SEMA5A: variants seen among roughly 807,000 people sequenced by gnomAD.
SEMA5A encodes semaphorin 5A.
SEMA5A carries 55 observed loss-of-function variants against 135.5 expected under a neutral mutation model. That is an observed-to-expected ratio of 0.41 (90% confidence interval 0.33 to 0.51). SEMA5A has a LOEUF of 0.51. SEMA5A is among the 20% of genes least tolerant of loss of function. The pLI, the probability that SEMA5A is intolerant of heterozygous loss-of-function variation, is 0.37. For missense variants in SEMA5A, 1,290 were observed against 1,419.9 expected (o/e 0.91, Z 1.47); for synonymous variants, 580 against 546.5 (o/e 1.06, Z -0.85).
intron 4 of SEMA5A, among the ~76,000 whole-genome samples, chr5:9,333,894 ATAT>A (rs1167012462): frequency 1.3e-5 from 2 of 152,112 alleles, no homozygotes; most frequent in Non-Finnish European, 2.9e-5. Flanking sequence ...GAAAACACAA[ATAT>A]TATTAACTTT....
At chr5:9,354,828 A>G (rs1754372024) in intron 3 of SEMA5A, among the ~76,000 whole-genome samples, 1 of 152,170 alleles carries the variant, frequency 6.6e-6, no homozygotes, top group Non-Finnish European at 1.5e-5. Context: ...GACTGGAATG[A>G]CAAGAAAAAG....
chr5:9,136,731 T>C (rs938750287), intron 12 of SEMA5A, 110 bp from the exon 13 acceptor site: 9 of 814,806 alleles, frequency 1.1e-5, no homozygotes, highest in Non-Finnish European at 1.5e-5. Context: ...TTCTTACATA[T>C]GAAGCCCAAT....
At chr5:9,221,752 C>A (rs1015345013) in intron 8 of SEMA5A, among the ~76,000 whole-genome samples, 1 of 152,114 alleles carries the variant, frequency 6.6e-6, no homozygotes, top group South Asian at 2.1e-4. Context: ...CTACAGACCC[C>A]GAGTGACAAG....
chr5:9,270,253 ACT>A (rs112096339), intron 5 of SEMA5A, among the ~76,000 whole-genome samples: 29 of 151,884 alleles, frequency 1.9e-4, no homozygotes, highest in African/African-American at 7.0e-4. Flanking sequence ...CTGGAAGAAG[ACT>A]CTTGGAAGAT....
In SEMA5A at chr5:9,161,419, G is replaced by A. The variant is rs1743248783; in HGVS notation, c.1274-6724C>T. Among the ~76,000 whole-genome samples, 3 of 149,232 alleles carry A rather than the reference G, an allele frequency of 2.0e-5. No homozygotes were observed. In the South Asian group the frequency reaches 6.3e-4, roughly 32 times the overall value. On this transcript the variant is annotated intron_variant, in intron 11 of 22. Transcript: ENST00000382496. ...TTTTTCTAGATGCCACATTTAAAAT[G>A]GAAAAAAGGAAACAGGTGAATAAAT...
intron 1 of SEMA5A, among the ~76,000 whole-genome samples, chr5:9,513,361 C>T (rs1184466190): frequency 6.6e-6 from 1 of 152,068 alleles, no homozygotes; most frequent in African/African-American, 2.4e-5. Context: ...CCTCTAGATT[C>T]CATCAAATTT....
intron 16 of SEMA5A, among the ~76,000 whole-genome samples, chr5:9,102,936 A>G (rs1739708351): frequency 6.6e-6 from 1 of 152,242 alleles, no homozygotes; most frequent in African/African-American, 2.4e-5. Context: ...ATCACTGGCC[A>G]GAGGCAAACA....
At chr5:9,138,654 T>C (rs920839859) in intron 12 of SEMA5A, among the ~76,000 whole-genome samples, 1 of 152,202 alleles carries the variant, frequency 6.6e-6, no homozygotes, top group Non-Finnish European at 1.5e-5. Context: ...TTTGGTTACA[T>C]GAGTACTTTT....
At chr5:9,518,844 T>C (rs901806072) in intron 1 of SEMA5A, among the ~76,000 whole-genome samples, 3 of 151,978 alleles carry the variant, frequency 2.0e-5, no homozygotes, top group Non-Finnish European at 2.9e-5. Context: ...AAAATATGAA[T>C]CTCAGTGATA....
intron 2 of SEMA5A, among the ~76,000 whole-genome samples, chr5:9,421,460 A>G (rs1757465604): frequency 6.6e-6 from 1 of 152,188 alleles, no homozygotes; most frequent in Non-Finnish European, 1.5e-5. Flanking sequence ...GCCCTTATAT[A>G]TGTATGCTGG....
intron 1 of SEMA5A, among the ~76,000 whole-genome samples, chr5:9,506,595 C>G: frequency 6.6e-6 from 1 of 152,152 alleles, no homozygotes; most frequent in East Asian, 1.9e-4. Flanking sequence ...AAAATAAGGT[C>G]TAAGATGGCT....
intron 16 of SEMA5A, among the ~76,000 whole-genome samples, chr5:9,080,015 A>G (rs1738286706): frequency 6.6e-6 from 1 of 152,224 alleles, no homozygotes; most frequent in South Asian, 2.1e-4. Context: ...TAGAACCAGA[A>G]ATACCTTTTG....
intron 8 of SEMA5A, among the ~76,000 whole-genome samples, chr5:9,203,162 G>A (rs1806077): frequency 0.094 from 14,373 of 152,128 alleles, 1,179 homozygotes; most frequent in African/African-American, 0.21. Context: ...CGTAATATTT[G>A]CTTTTAAAAC....
At chr5:9,469,441 C>T (rs923998998) in intron 1 of SEMA5A, among the ~76,000 whole-genome samples, 12 of 152,186 alleles carry the variant, frequency 7.9e-5, no homozygotes, top group Non-Finnish European at 1.6e-4. Context: ...AATGTTTACC[C>T]ATCTCCAAAA....
chr5:9,182,131 G>T (rs1744548143), intron 11 of SEMA5A, among the ~76,000 whole-genome samples: 1 of 148,696 alleles, frequency 6.7e-6, no homozygotes, highest in Non-Finnish European at 1.5e-5. Context: ...TAATGCAACT[G>T]CTTGTTTTAT....
intron 21 of SEMA5A, among the ~76,000 whole-genome samples, chr5:9,045,051 C>G (rs953159119): frequency 1.3e-5 from 2 of 152,098 alleles, no homozygotes; most frequent in African/African-American, 4.8e-5. Flanking sequence ...TCTCAAAGTG[C>G]TGGGATTACA....
intron 3 of SEMA5A, among the ~76,000 whole-genome samples, chr5:9,346,295 GCTCCCCTTCCACTGAGACCCA>G (rs1753864746): frequency 6.6e-6 from 1 of 152,130 alleles, no homozygotes; most frequent in Admixed American, 6.5e-5. Flanking sequence ...CCCCTTTCCA[GCTCCCCTTCCACTGAGACCCA>G]CTTTCATTGG....
intron 11 of SEMA5A, among the ~76,000 whole-genome samples, chr5:9,180,164 T>C (rs966571277): frequency 9.2e-5 from 14 of 152,176 alleles, no homozygotes; most frequent in African/African-American, 2.9e-4. Flanking sequence ...TGTACTCCAG[T>C]ATGACTTCAT....
intron 5 of SEMA5A, among the ~76,000 whole-genome samples, chr5:9,309,978 G>T (rs548339071): frequency 8.5e-5 from 6 of 70,838 alleles, no homozygotes; most frequent in Non-Finnish European, 2.2e-4. Flanking sequence ...GATCAACTGG[G>T]GATCATGTAA....
Sources: allele counts gnomAD v4.1 joint callset (sites outside exome capture counted in the v4.1 genomes callset), GRCh38; gene constraint gnomAD v4.1.1; transcripts MANE v1.5; gene names NCBI Gene and HGNC (gene_info 2026-07-23, HGNC 2026-07-21).